The following EXOC6B variants were observed in gnomAD, a reference collection of about 807,000 sequenced individuals.
EXOC6B encodes the protein SEC15 homolog B.
In EXOC6B, 54 loss-of-function variants were observed where a neutral mutation model predicts 113.5. That is an observed-to-expected ratio of 0.48 (90% CI 0.38 to 0.60). EXOC6B has a LOEUF of 0.60. EXOC6B is among the 20% of genes least tolerant of loss of function. EXOC6B has a pLI of 0.00. For synonymous variants in EXOC6B, 357 were observed against 339.0 expected, an observed-to-expected ratio of 1.05 and a Z score of -0.58; for missense variants, 797 against 977.5, an observed-to-expected ratio of 0.82 and a Z score of 2.46.
At chr2:72,595,465 T>C (rs1211816779) in intron 6 of EXOC6B, among the ~76,000 whole-genome samples, 1 of 151,096 alleles carries the variant, frequency 6.6e-6, no homozygotes, top group African/African-American at 2.4e-5. Context: ...AACTTTTCTA[T>C]AATATCAAGA....
chr2:72,242,732 A>G (rs777005403), intron 20 of EXOC6B, among the ~76,000 whole-genome samples: 1 of 152,154 alleles, frequency 6.6e-6, no homozygotes, highest in Non-Finnish European at 1.5e-5. Flanking sequence ...TATGTTATAT[A>G]TAAGAAACTA....
Position 72,477,504 on chromosome 2 carries a change from C to A in EXOC6B, c.1800+3112G>T, listed in dbSNP as rs144381860. ...TTGCCTGGAGTATTGCAACTACCTC[C>A]CAATTAGACTTTCTTCTTCCCCTTT... On this transcript the variant is annotated intron_variant, in intron 17 of 21. Coordinates refer to ENST00000272427, the MANE Select transcript of EXOC6B (RefSeq NM_015189.3). Among the ~76,000 whole-genome samples, 26 of 152,272 alleles carry A rather than the reference C, an allele frequency of 1.7e-4. No homozygotes were observed. The East Asian group carries it at 4.6e-3, about 27-fold the overall frequency.
intron 17 of EXOC6B, among the ~76,000 whole-genome samples, chr2:72,471,925 T>C (rs1698437935): frequency 6.6e-6 from 1 of 152,140 alleles, no homozygotes; most frequent in Admixed American, 6.6e-5. Context: ...GGAGTTTTAA[T>C]TGTGAAGGGA....
chr2:72,649,971 G>T (rs1248215764), intron 6 of EXOC6B, among the ~76,000 whole-genome samples: 14 of 152,146 alleles, frequency 9.2e-5, no homozygotes, highest in Admixed American at 9.2e-4. Flanking sequence ...TCAGAACAGG[G>T]GTCCCCAACC....
At chr2:72,309,418 C>G (rs1217115438) in intron 20 of EXOC6B, among the ~76,000 whole-genome samples, 3 of 152,096 alleles carry the variant, frequency 2.0e-5, no homozygotes, top group Non-Finnish European at 2.9e-5. Flanking sequence ...CTCGTTTACT[C>G]GCTAATCCAA....
chr2:72,203,137 A>ACTTATTCC (rs1384621090), intron 20 of EXOC6B, among the ~76,000 whole-genome samples: 6 of 152,290 alleles, frequency 3.9e-5, no homozygotes, highest in East Asian at 3.9e-4. Context: ...AAGATGGCAA[A>ACTTATTCC]CTTATTCCTG....
intron 6 of EXOC6B, among the ~76,000 whole-genome samples, chr2:72,642,029 G>T (rs1203346201): frequency 6.6e-6 from 1 of 152,174 alleles, no homozygotes; most frequent in Non-Finnish European, 1.5e-5. Context: ...CAAACAGAAA[G>T]AAATAGCATC....
chr2:72,207,630 C>T (rs1050986270), intron 20 of EXOC6B, among the ~76,000 whole-genome samples: 4 of 152,116 alleles, frequency 2.6e-5, no homozygotes, highest in Non-Finnish European at 5.9e-5. Context: ...TGATATCCAT[C>T]AATAAACTGC....
chr2:72,324,970 G>T (rs1375595109), intron 20 of EXOC6B, among the ~76,000 whole-genome samples: 1 of 152,146 alleles, frequency 6.6e-6, no homozygotes, highest in Admixed American at 6.5e-5. Flanking sequence ...TCTCTGGACT[G>T]ACTGGGATCT....
At chr2:72,783,860 T>C (rs1290184877) in intron 1 of EXOC6B, among the ~76,000 whole-genome samples, 1 of 152,216 alleles carries the variant, frequency 6.6e-6, no homozygotes, top group Non-Finnish European at 1.5e-5. Flanking sequence ...ATATTCCCAT[T>C]TGTCTATTTT....
At chr2:72,376,802 G>A (rs1047396919) in intron 19 of EXOC6B, among the ~76,000 whole-genome samples, 1 of 151,852 alleles carries the variant, frequency 6.6e-6, no homozygotes, top group African/African-American at 2.4e-5. Context: ...TCAAATTTTA[G>A]CTTTTTGCTG....
chr2:72,390,562 A>G (rs1446036554), intron 18 of EXOC6B, among the ~76,000 whole-genome samples: 2 of 152,204 alleles, frequency 1.3e-5, no homozygotes, highest in African/African-American at 2.4e-5. Flanking sequence ...GTTATTGCAA[A>G]CAATTAAGTT....
intron 20 of EXOC6B, among the ~76,000 whole-genome samples, chr2:72,236,344 C>T (rs1573056684): frequency 1.3e-5 from 2 of 152,146 alleles, no homozygotes; most frequent in Admixed American, 1.3e-4. Context: ...TGGTTTTCTC[C>T]GAGCTTAGAA....
At chr2:72,785,600 T>C (rs1361934362) in intron 1 of EXOC6B, among the ~76,000 whole-genome samples, 1 of 152,262 alleles carries the variant, frequency 6.6e-6, no homozygotes, top group African/African-American at 2.4e-5. Flanking sequence ...TTGCACCCTC[T>C]GAAGCCATAG....
chr2:72,287,124 A>C (rs1685481949), intron 20 of EXOC6B, among the ~76,000 whole-genome samples: 1 of 152,092 alleles, frequency 6.6e-6, no homozygotes. Context: ...TAGAAAAAAA[A>C]TCAGAGAAAT....
Position 72,724,154 on chromosome 2 carries a change from C to T in EXOC6B, c.465-5847G>A, listed in dbSNP as rs536270877. Among the ~76,000 whole-genome samples, 40 of 152,116 alleles carry T rather than the reference C, an allele frequency of 2.6e-4. No homozygotes were observed. In the South Asian group the frequency reaches 8.3e-3, roughly 32 times the overall value. ...CCCTTGAGTCTGCTAAGTACTAGGA[C>T]AGGCATAGAGAAAGTGAAATTCCAC... is the stretch of plus-strand genomic sequence containing the variant. On this transcript the variant is annotated intron_variant, in intron 5 of 21. Transcript: ENST00000272427.
chr2:72,227,380 G>T (rs954602144), intron 20 of EXOC6B, among the ~76,000 whole-genome samples: 3 of 152,022 alleles, frequency 2.0e-5, no homozygotes, highest in Non-Finnish European at 4.4e-5. Context: ...ACTAGTAAAA[G>T]AATAATTCAC....
At chr2:72,533,767 A>G (rs1433821889) in intron 8 of EXOC6B, among the ~76,000 whole-genome samples, 1 of 152,208 alleles carries the variant, frequency 6.6e-6, no homozygotes, top group Non-Finnish European at 1.5e-5. Context: ...TACCAAAATT[A>G]ATGAAAAATA....
chr2:72,644,097 C>A (rs1432165735), intron 6 of EXOC6B, among the ~76,000 whole-genome samples: 1 of 152,044 alleles, frequency 6.6e-6, no homozygotes, highest in Non-Finnish European at 1.5e-5. Context: ...TAGAGAAAAC[C>A]TTAAATGAAC....
Sources: allele counts gnomAD v4.1 joint callset (sites outside exome capture counted in the v4.1 genomes callset), GRCh38; gene constraint gnomAD v4.1.1; transcripts MANE v1.5; gene names NCBI Gene and HGNC (gene_info 2026-07-23, HGNC 2026-07-21).